Variants in KCNAB1 observed in about 807,000 individuals in gnomAD.
KCNAB1 encodes the protein voltage-gated potassium channel subunit beta-1.
In KCNAB1, 35 loss-of-function variants were observed where a neutral mutation model predicts 64.6. The observed-to-expected ratio is 0.54, with a 90% CI of 0.41 to 0.72. The LOEUF is 0.72. Ranked by LOEUF, KCNAB1 falls within the 30% of genes least tolerant of loss-of-function variation. KCNAB1 has a pLI of 0.00. For synonymous variants in KCNAB1, 177 were observed against 183.8 expected (o/e 0.96, Z 0.30); for missense variants, 401 against 512.9 (o/e 0.78, Z 2.11).
chr3:156,256,250 G>T (rs886997900), intron 1 of KCNAB1, among the ~76,000 whole-genome samples: 4 of 152,076 alleles, frequency 2.6e-5, no homozygotes, highest in African/African-American at 4.8e-5. Context: ...CCAGAAATCT[G>T]GCCTTTCTCT....
At chr3:156,344,971 C>T (rs1724387433) in intron 1 of KCNAB1, among the ~76,000 whole-genome samples, 1 of 152,188 alleles carries the variant, frequency 6.6e-6, no homozygotes, top group South Asian at 2.1e-4. Flanking sequence ...AAGCATTCTC[C>T]TCCCAAATAA....
rs764693842 is a variant in KCNAB1, at chr3:156,538,139, CAT to C, written c.*1393_*1394del. On this transcript the variant is annotated 3_prime_UTR_variant, in exon 14 of 14. Coordinates refer to ENST00000490337, the MANE Select transcript of KCNAB1 (RefSeq NM_172160.3). ...TCAATATCTGTAAAAAGAGAGAAAACATGTTTTGTTTTTTTTTGAAGGGGGTG... is the reference window on the plus strand; with the variant it reads ...TCAATATCTGTAAAAAGAGAGAAAACGTTTTGTTTTTTTTTGAAGGGGGTG... 2.6e-4 allele frequency: 23 copies of C among 88,784 alleles called. No homozygotes were observed. Among genetic ancestry groups the C allele is most frequent in the Non-Finnish European group, 4.6e-4 (21 of 45,532 alleles). The allele number at this position is 88,784 out of a possible 1,614,324, so 5.5% of individuals were successfully genotyped here. A position where few individuals can be genotyped will look rare whatever the true frequency, so the allele number is the denominator to read the frequency against.
chr3:156,172,940 T>C (rs1192269314), intron 1 of KCNAB1, among the ~76,000 whole-genome samples: 1 of 152,232 alleles, frequency 6.6e-6, no homozygotes, highest in Non-Finnish European at 1.5e-5. Context: ...TAAAGGTCCT[T>C]CTGTCATCTG....
chr3:156,429,743 A>G (rs1429974478), intron 2 of KCNAB1, among the ~76,000 whole-genome samples: 1 of 152,202 alleles, frequency 6.6e-6, no homozygotes, highest in Non-Finnish European at 1.5e-5. Flanking sequence ...ATAACAACAT[A>G]AGAGCAGCAA....
chr3:156,519,992 G>T (rs1717832194), intron 11 of KCNAB1, among the ~76,000 whole-genome samples: 1 of 152,094 alleles, frequency 6.6e-6, no homozygotes, highest in African/African-American at 2.4e-5. Context: ...TAAAGACATA[G>T]CTTGTAAGGA....
At chr3:156,496,779 TATGGGGA>T (rs1470916903) in intron 8 of KCNAB1, among the ~76,000 whole-genome samples, 1 of 152,044 alleles carries the variant, frequency 6.6e-6, no homozygotes, top group Non-Finnish European at 1.5e-5. Flanking sequence ...GCCAACATTG[TATGGGGA>T]ATGGGGAAGA....
At chr3:156,504,484 C>T (rs895956377) in intron 8 of KCNAB1, among the ~76,000 whole-genome samples, 3 of 152,122 alleles carry the variant, frequency 2.0e-5, no homozygotes, top group Non-Finnish European at 4.4e-5. Flanking sequence ...GAGAAACTTC[C>T]ATACTATTCT....
intron 1 of KCNAB1, chr3:156,176,559 A>G: frequency 1.2e-6 from 1 of 814,772 alleles, no homozygotes; most frequent in South Asian, 1.3e-5. Context: ...TCTGTGTTGT[A>G]ATGCAGTTCC....
At chr3:156,307,625 C>T (rs1461328408) in intron 1 of KCNAB1, among the ~76,000 whole-genome samples, 1 of 152,096 alleles carries the variant, frequency 6.6e-6, no homozygotes, top group African/African-American at 2.4e-5. Flanking sequence ...CCCAAGGTGG[C>T]TCCATTCATC....
chr3:156,229,949 G>A (rs58151385), intron 1 of KCNAB1, among the ~76,000 whole-genome samples: 2,286 of 152,220 alleles, frequency 0.015, 73 homozygotes, highest in African/African-American at 0.053. Context: ...AAAACATTTA[G>A]TTAGACATCT....
intron 1 of KCNAB1, among the ~76,000 whole-genome samples, chr3:156,302,265 C>T (rs183071782): frequency 1.3e-5 from 2 of 152,286 alleles, no homozygotes; most frequent in East Asian, 1.9e-4. Flanking sequence ...CAAATCTCCT[C>T]ACCTCAGAAT....
In KCNAB1 at chr3:156,537,348, T is replaced by C. The variant is rs990314372; in HGVS notation, c.*601T>C. ...TTCACATTCATACTAACAAGTTTTG[T>C]TCCATTTGTTATTCAATAAAACAAA... On this transcript the variant is annotated 3_prime_UTR_variant, in exon 14 of 14. Transcript: ENST00000490337. The C allele has an allele frequency of 4.2e-5, 12 of 287,058 alleles. No homozygotes were observed. The highest frequency in any genetic ancestry group is 2.6e-4 in the African/African-American group (12 of 46,220). 17.8% of individuals were successfully genotyped at this position (287,058 alleles called of 1,614,324 possible).
At chr3:156,335,298 C>T (rs949030069) in intron 1 of KCNAB1, among the ~76,000 whole-genome samples, 4 of 152,214 alleles carry the variant, frequency 2.6e-5, no homozygotes, top group Non-Finnish European at 4.4e-5. Flanking sequence ...TGTTTACACA[C>T]CCTCCCCTTT....
At chr3:156,320,142 C>T (rs1035876581) in intron 1 of KCNAB1, among the ~76,000 whole-genome samples, 14 of 152,156 alleles carry the variant, frequency 9.2e-5, no homozygotes, top group African/African-American at 1.9e-4. Flanking sequence ...GTCAGGGAGC[C>T]ATGCTTAGCT....
chr3:156,240,486 A>G (rs1717097556), intron 1 of KCNAB1, among the ~76,000 whole-genome samples: 1 of 152,180 alleles, frequency 6.6e-6, no homozygotes, highest in Non-Finnish European at 1.5e-5. Context: ...CCCTCTCCAC[A>G]GAGACAACCA....
chr3:156,503,854 T>C (rs1716630407), intron 8 of KCNAB1, among the ~76,000 whole-genome samples: 2 of 152,224 alleles, frequency 1.3e-5, no homozygotes, highest in Non-Finnish European at 2.9e-5. Flanking sequence ...TGTGATCAAA[T>C]CAAAGTCATT....
intron 8 of KCNAB1, among the ~76,000 whole-genome samples, chr3:156,504,965 C>T (rs1004576951): frequency 6.6e-6 from 1 of 151,980 alleles, no homozygotes; most frequent in African/African-American, 2.4e-5. Flanking sequence ...AGGTCTTTCC[C>T]ATAAAATCTT....
At chr3:156,444,317 C>T (rs140773990) in intron 2 of KCNAB1, among the ~76,000 whole-genome samples, 147 of 152,322 alleles carry the variant, frequency 9.7e-4, no homozygotes, top group African/African-American at 3.4e-3. Flanking sequence ...CCAGCTGCAG[C>T]TCATATCTGC....
At chr3:156,283,653 C>A (rs1370035892) in intron 1 of KCNAB1, among the ~76,000 whole-genome samples, 9 of 151,818 alleles carry the variant, frequency 5.9e-5, no homozygotes, top group South Asian at 2.1e-4. Context: ...TTCTTGGAGG[C>A]TTTGCTCATT....
Sources: gnomAD v4.1 joint callset for allele counts (sites outside exome capture counted in the v4.1 genomes callset) on GRCh38, gnomAD v4.1.1 for gene constraint, MANE v1.5 for transcripts, NCBI Gene and HGNC (gene_info 2026-07-23, HGNC 2026-07-21) for gene names.